Variants in MALRD1 observed in about 807,000 individuals in gnomAD.
MALRD1 encodes MAM and LDL-receptor class A domain-containing protein 1.
A neutral mutation model predicts 242.1 loss-of-function variants in MALRD1; 247 were observed. The observed-to-expected ratio is 1.02, with a 90% confidence interval of 0.92 to 1.13. The LOEUF is 1.13. Ranked by LOEUF, MALRD1 falls within the 50% of genes most tolerant of loss-of-function variation. MALRD1 has a pLI of 0.00. For missense variants in MALRD1, 2,989 were observed against 2,533.1 expected (o/e 1.18, Z -3.86); for synonymous variants, 995 against 866.6 (o/e 1.15, Z -2.60).
intron 21 of MALRD1, among the ~76,000 whole-genome samples, chr10:19,292,769 T>C (rs989657317): frequency 2.0e-5 from 3 of 151,748 alleles, no homozygotes; most frequent in African/African-American, 7.3e-5. Context: ...GGCGGGCGCC[T>C]GTAGTCCCAG....
chr10:19,237,536 A>ATGTAT (rs1439852683), intron 18 of MALRD1, among the ~76,000 whole-genome samples: 1 of 113,452 alleles, frequency 8.8e-6, no homozygotes, highest in Non-Finnish European at 1.8e-5. Flanking sequence ...ATATATATAT[A>ATGTAT]ATTTTATGTA....
chr10:19,275,542 G>C (rs184733702), intron 19 of MALRD1, among the ~76,000 whole-genome samples: 1 of 152,074 alleles, frequency 6.6e-6, no homozygotes, highest in East Asian at 1.9e-4. Context: ...GGTGGCGGGC[G>C]CCTGTAGTCC....
intron 14 of MALRD1, among the ~76,000 whole-genome samples, chr10:19,188,559 T>C (rs543042535): frequency 6.6e-6 from 1 of 152,344 alleles, no homozygotes; most frequent in African/African-American, 2.4e-5. Context: ...TCTTTTTTTG[T>C]CTGTGTTCAG....
chr10:19,242,654 T>G lies in MALRD1; in HGVS notation c.2992-15030T>G, dbSNP rs1316957568. Among the ~76,000 whole-genome samples, 3 of 152,144 alleles carry G rather than the reference T, an allele frequency of 2.0e-5. 1 individual carries two copies. In the East Asian group the frequency reaches 5.8e-4, roughly 29 times the overall value. ...TAATATATATGTTATGTCCTCTTATTGAATTGGGCCTTTTGTCATTATACA... is the reference window on the plus strand; with the variant it reads ...TAATATATATGTTATGTCCTCTTATGGAATTGGGCCTTTTGTCATTATACA... On this transcript the variant is annotated intron_variant, in intron 18 of 39. Coordinates refer to ENST00000454679, the MANE Select transcript of MALRD1 (RefSeq NM_001142308.3).
At chr10:19,475,705 A>G (rs537664445) in intron 29 of MALRD1, among the ~76,000 whole-genome samples, 15 of 152,328 alleles carry the variant, frequency 9.8e-5, no homozygotes, top group African/African-American at 1.2e-4. Context: ...TTATGCAGAA[A>G]AACATAACTT....
chr10:19,053,930 A>T (rs1250981430), intron 1 of MALRD1, among the ~76,000 whole-genome samples: 3 of 152,162 alleles, frequency 2.0e-5, no homozygotes, highest in African/African-American at 7.2e-5. Context: ...TGAGTCCTCA[A>T]GATTAAATAA....
chr10:19,316,257 A>G (rs1441737366), intron 21 of MALRD1, among the ~76,000 whole-genome samples: 1 of 151,814 alleles, frequency 6.6e-6, no homozygotes, highest in Non-Finnish European at 1.5e-5. Context: ...TTCACCTTGA[A>G]TCAGTAAAGA....
At chr10:19,313,393 A>G (rs948863404) in intron 21 of MALRD1, among the ~76,000 whole-genome samples, 44 of 151,580 alleles carry the variant, frequency 2.9e-4, no homozygotes, top group African/African-American at 9.9e-4. Context: ...GTAATTTAAA[A>G]TTTTCATACA....
intron 38 of MALRD1, among the ~76,000 whole-genome samples, chr10:19,709,716 T>C (rs900421414): frequency 6.6e-6 from 1 of 152,170 alleles, no homozygotes; most frequent in Non-Finnish European, 1.5e-5. Context: ...CACTTATCTT[T>C]GCATTACAAC....
At chr10:19,253,266 G>A (rs1564504700) in intron 18 of MALRD1, among the ~76,000 whole-genome samples, 1 of 151,928 alleles carries the variant, frequency 6.6e-6, no homozygotes, top group South Asian at 2.1e-4. Context: ...AGAATAGATT[G>A]AGATTCTTGA....
At chr10:19,719,708 C>G (rs1333001986) in intron 38 of MALRD1, among the ~76,000 whole-genome samples, 1 of 151,938 alleles carries the variant, frequency 6.6e-6, no homozygotes, top group African/African-American at 2.4e-5. Flanking sequence ...ACTTTTTCAC[C>G]CAAACATTTG....
At chr10:19,719,700 T>C (rs1834651132) in intron 38 of MALRD1, among the ~76,000 whole-genome samples, 1 of 152,194 alleles carries the variant, frequency 6.6e-6, no homozygotes, top group Admixed American at 6.5e-5. Context: ...CTTTCTGAAC[T>C]TTTTCACCCA....
chr10:19,716,701 C>A (rs1179627832), intron 38 of MALRD1: 2 of 152,110 alleles, frequency 1.3e-5, no homozygotes, highest in Non-Finnish European at 2.9e-5. Context: ...TCTTAAAATG[C>A]AGTTGTAATG....
At chr10:19,710,255 A>G (rs953251656) in intron 38 of MALRD1, 1 of 151,590 alleles carries the variant, frequency 6.6e-6, no homozygotes, top group Admixed American at 6.6e-5. Flanking sequence ...CTGAAAATGT[A>G]TTTACCAATG....
At chr10:19,223,262 C>G (rs1837642256) in intron 18 of MALRD1, among the ~76,000 whole-genome samples, 1 of 151,980 alleles carries the variant, frequency 6.6e-6, no homozygotes, top group African/African-American at 2.4e-5. Context: ...CAAAATTGCC[C>G]CTACTTCCTT....
At chr10:19,624,769 G>C (rs1348320687) in intron 36 of MALRD1, among the ~76,000 whole-genome samples, 1 of 151,214 alleles carries the variant, frequency 6.6e-6, no homozygotes, top group East Asian at 2.0e-4. Flanking sequence ...TGGAGGCTAA[G>C]GCAGGAGAAT....
chr10:19,700,706 T>A (rs1479243927), intron 38 of MALRD1, among the ~76,000 whole-genome samples: 1 of 152,160 alleles, frequency 6.6e-6, no homozygotes, highest in Admixed American at 6.5e-5. Flanking sequence ...CTCTTCTGAT[T>A]TCCGTAATCT....
At chr10:19,589,853 G>C (rs866931432) in intron 33 of MALRD1, among the ~76,000 whole-genome samples, 2 of 152,002 alleles carry the variant, frequency 1.3e-5, no homozygotes, top group Non-Finnish European at 2.9e-5. Context: ...TGCTATTTTC[G>C]TTTGCTTTCC....
At chr10:19,320,538 C>G (rs774158788) in intron 21 of MALRD1, among the ~76,000 whole-genome samples, 12 of 152,118 alleles carry the variant, frequency 7.9e-5, no homozygotes, top group Non-Finnish European at 1.6e-4. Context: ...CATACATGTG[C>G]ATGTGTCTTT....
Sources: allele counts gnomAD v4.1 joint callset (sites outside exome capture counted in the v4.1 genomes callset), GRCh38; gene constraint gnomAD v4.1.1; transcripts MANE v1.5; gene names NCBI Gene and HGNC (gene_info 2026-07-23, HGNC 2026-07-21).